The following FER variants were observed in gnomAD, a reference collection of about 807,000 sequenced individuals.
FER encodes the protein FER tyrosine kinase.
In FER, 63 loss-of-function variants were observed where a neutral mutation model predicts 111.0. That is an observed-to-expected ratio of 0.57 (90% CI 0.46 to 0.70). The LOEUF (loss-of-function observed/expected upper bound fraction) is 0.70, where lower values mean the gene tolerates loss of function less well. Ranked by LOEUF, FER falls within the 30% of genes least tolerant of loss-of-function variation. FER has a pLI of 0.00. For missense variants in FER, 914 were observed against 954.0 expected (o/e 0.96, Z 0.55); for synonymous variants, 327 against 313.9 (o/e 1.04, Z -0.44).
intron 3 of FER, among the ~76,000 whole-genome samples, chr5:108,802,572 A>T (rs1267605846): frequency 6.6e-6 from 1 of 151,566 alleles, no homozygotes; most frequent in Non-Finnish European, 1.5e-5. Flanking sequence ...TGTGTACCCA[A>T]TGTTTAGCTG....
Position 108,942,286 on chromosome 5 carries a change from G to GA in FER, c.1237-3844_1237-3843insA, listed in dbSNP as rs1756381311. Among the ~76,000 whole-genome samples, 4 of 152,108 alleles carry GA rather than the reference G, an allele frequency of 2.6e-5. No individual in the cohort carries two copies. The South Asian group carries it at 8.3e-4, about 32-fold the overall frequency. On this transcript the variant is annotated intron_variant, in intron 10 of 19. Coordinates refer to ENST00000281092, the MANE Select transcript of FER (RefSeq NM_005246.4). ...AATGATTTATGACATTTTACAACCT[G>GA]GATCTCACCGAACTCTATTCTGTTT...
chr5:109,130,970 T>C (rs1001141536), intron 17 of FER, among the ~76,000 whole-genome samples: 2 of 152,214 alleles, frequency 1.3e-5, no homozygotes, highest in Non-Finnish European at 2.9e-5. Flanking sequence ...CTTCATACTT[T>C]TCATTTATAT....
Position 108,797,729 on chromosome 5 carries a change from T to G in FER, c.-59-395T>G, listed in dbSNP as rs530028626. On this transcript the variant is annotated intron_variant, in intron 2 of 19. Coordinates refer to ENST00000281092, the MANE Select transcript of FER (RefSeq NM_005246.4). The stretch of plus-strand genomic sequence containing the variant: ...CTCACCTGATTTTTGTGTGTGTAAA[T>G]AGTTGTTAAATTTGGTTTTCCTGCT... Among the ~76,000 whole-genome samples the G allele has an allele frequency of 3.3e-5, 5 of 152,344 alleles. No individual in the cohort carries two copies. The South Asian group carries it at 8.3e-4, about 25-fold the overall frequency.
In FER at chr5:109,047,083, GTA is replaced by G; in HGVS notation, c.1830-17_1830-16del. Reference sequence around the variant, plus strand: ...TTTATTATTCAAATGATAACTATTCGTATATTTTCATCTCATCTAGAATTCTC... The same window carrying G: ...TTTATTATTCAAATGATAACTATTCGTATTTTCATCTCATCTAGAATTCTC... On this transcript the variant is annotated intron_variant, in intron 15 of 19. Coordinates refer to ENST00000281092, the MANE Select transcript of FER (RefSeq NM_005246.4). 2 of 1,254,750 alleles carry G rather than the reference GTA, an allele frequency of 1.6e-6. No homozygotes were observed. The highest frequency in any genetic ancestry group is 2.3e-6 in the Non-Finnish European group (2 of 870,644). The allele number at this position is 1,254,750 out of a possible 1,614,324, so 77.7% of individuals were successfully genotyped here. A position where few individuals can be genotyped will look rare whatever the true frequency, so the allele number is the denominator to read the frequency against.
intron 16 of FER, among the ~76,000 whole-genome samples, chr5:109,054,506 A>G (rs1290995341): frequency 6.6e-6 from 1 of 152,180 alleles, no homozygotes; most frequent in Non-Finnish European, 1.5e-5. Flanking sequence ...GGTTCTTTAC[A>G]TATTCTGGAT....
intron 10 of FER, among the ~76,000 whole-genome samples, chr5:108,927,461 T>G (rs1035754807): frequency 6.6e-6 from 1 of 151,920 alleles, no homozygotes; most frequent in African/African-American, 2.4e-5. Context: ...GGGGTTCACC[T>G]TGTTAGCCAG....
At chr5:109,063,122 G>A (rs1774640112) in intron 16 of FER, among the ~76,000 whole-genome samples, 1 of 152,104 alleles carries the variant, frequency 6.6e-6, no homozygotes, top group African/African-American at 2.4e-5. Flanking sequence ...TCTCATAAAT[G>A]TCTTTAAGAT....
At chr5:109,064,793 T>C (rs1581870878) in intron 16 of FER, among the ~76,000 whole-genome samples, 1 of 152,192 alleles carries the variant, frequency 6.6e-6, no homozygotes, top group East Asian at 1.9e-4. Context: ...TCCTTCACAA[T>C]TGAAAGTGTA....
intron 17 of FER, among the ~76,000 whole-genome samples, chr5:109,159,341 A>C (rs887963541): frequency 2.0e-5 from 3 of 152,108 alleles, no homozygotes; most frequent in Non-Finnish European, 4.4e-5. Flanking sequence ...TACCTTTTCT[A>C]TCACATATTT....
At chr5:108,891,556 C>T (rs1748056382) in intron 9 of FER, 1 of 151,820 alleles carries the variant, frequency 6.6e-6, no homozygotes, top group African/African-American at 2.4e-5. Flanking sequence ...AAAAAAAAGT[C>T]CATTTTATTT....
intron 5 of FER, among the ~76,000 whole-genome samples, chr5:108,840,333 A>G (rs1053806228): frequency 6.6e-6 from 1 of 152,208 alleles, no homozygotes; most frequent in Non-Finnish European, 1.5e-5. Context: ...TATTTTCACC[A>G]TTGAAAATAA....
intron 13 of FER, among the ~76,000 whole-genome samples, chr5:109,014,628 G>T (rs1766785589): frequency 6.6e-6 from 1 of 152,124 alleles, no homozygotes; most frequent in African/African-American, 2.4e-5. Flanking sequence ...GAAAGTCATT[G>T]GTAGCTTGAT....
chr5:108,872,561 T>TA (rs1216169540), intron 8 of FER, among the ~76,000 whole-genome samples: 4 of 152,120 alleles, frequency 2.6e-5, no homozygotes, highest in African/African-American at 9.7e-5. Flanking sequence ...TGTTTACTGT[T>TA]AGAGATAAGA....
At chr5:109,083,818 C>G (rs750171075) in intron 16 of FER, among the ~76,000 whole-genome samples, 2 of 151,994 alleles carry the variant, frequency 1.3e-5, no homozygotes, top group Non-Finnish European at 2.9e-5. Context: ...ATCCCAGACT[C>G]AAAGATGACA....
intron 17 of FER, among the ~76,000 whole-genome samples, chr5:109,135,705 T>G (rs994857414): frequency 6.6e-6 from 1 of 152,134 alleles, no homozygotes; most frequent in African/African-American, 2.4e-5. Flanking sequence ...TCTAAGCCTG[T>G]CTTATTCCCA....
intron 13 of FER, among the ~76,000 whole-genome samples, chr5:109,019,463 A>G (rs1390454572): frequency 1.3e-5 from 2 of 151,834 alleles, no homozygotes; most frequent in Non-Finnish European, 2.9e-5. Flanking sequence ...GTACTGTCAA[A>G]GTATGATTAC....
intron 10 of FER, among the ~76,000 whole-genome samples, chr5:108,912,210 CGG>C (rs1751649767): frequency 6.6e-6 from 1 of 152,102 alleles, no homozygotes; most frequent in South Asian, 2.1e-4. Context: ...AGTGTGAAAA[CGG>C]ACTAATACAA....
chr5:108,967,035 C>T (rs916453416), intron 13 of FER, among the ~76,000 whole-genome samples: 24 of 152,156 alleles, frequency 1.6e-4, no homozygotes, highest in African/African-American at 5.3e-4. Context: ...TTGTAAGCCA[C>T]GGACCTTCAG....
intron 5 of FER, among the ~76,000 whole-genome samples, chr5:108,862,016 C>G (rs917161598): frequency 2.6e-5 from 4 of 152,112 alleles, no homozygotes; most frequent in Non-Finnish European, 5.9e-5. Context: ...ATAAGTATGC[C>G]TTATAACCAA....
Sources: gnomAD v4.1 joint callset for allele counts (sites outside exome capture counted in the v4.1 genomes callset) on GRCh38, gnomAD v4.1.1 for gene constraint, MANE v1.5 for transcripts, NCBI Gene and HGNC (gene_info 2026-07-23, HGNC 2026-07-21) for gene names.